The following CALN1 variants were observed in gnomAD, a reference collection of about 807,000 sequenced individuals.
The protein encoded by CALN1 is calneuron 1.
CALN1 carries 17 observed loss-of-function variants against 30.6 expected under a neutral mutation model. The observed-to-expected ratio is 0.56, with a 90% confidence interval of 0.38 to 0.83. CALN1 has a LOEUF of 0.83. Ranked by LOEUF, CALN1 falls within the 40% of genes least tolerant of loss-of-function variation. The pLI is 0.00. For synonymous variants in CALN1, 156 were observed against 131.4 expected (o/e 1.19, Z -1.28); for missense variants, 291 against 354.9 (o/e 0.82, Z 1.45).
intron 4 of CALN1, among the ~76,000 whole-genome samples, chr7:72,092,238 G>A (rs1224589474): frequency 1.3e-5 from 2 of 152,026 alleles, no homozygotes; most frequent in Admixed American, 1.3e-4. Flanking sequence ...CCAAGTGGGT[G>A]GGATTCTTAT....
At chr7:71,823,598 G>A (rs538728530) in intron 5 of CALN1, among the ~76,000 whole-genome samples, 7 of 152,156 alleles carry the variant, frequency 4.6e-5, no homozygotes, top group East Asian at 3.9e-4. Flanking sequence ...GGCGCCTGTA[G>A]TCCCACCTAC....
At chr7:72,405,596 T>C (rs1461228870) in intron 1 of CALN1, among the ~76,000 whole-genome samples, 3 of 152,090 alleles carry the variant, frequency 2.0e-5, no homozygotes, top group Non-Finnish European at 4.4e-5. Context: ...ACTCATCTAT[T>C]CACACACACT....
At chr7:72,392,924 AG>A (rs1805670393) in intron 2 of CALN1, among the ~76,000 whole-genome samples, 1 of 152,086 alleles carries the variant, frequency 6.6e-6, no homozygotes, top group Admixed American at 6.5e-5. Flanking sequence ...GTTTGATCCC[AG>A]AAGTTCAAGG....
At chr7:72,369,866 C>CTAT (rs1804116196) in intron 2 of CALN1, among the ~76,000 whole-genome samples, 1 of 152,140 alleles carries the variant, frequency 6.6e-6, no homozygotes, top group South Asian at 2.1e-4. Flanking sequence ...ATCCACTAAC[C>CTAT]TATTGATGGA....
chr7:72,015,904 T>C (rs17144232), intron 5 of CALN1, among the ~76,000 whole-genome samples: 21,715 of 152,050 alleles, frequency 0.14, 2,449 homozygotes, highest in East Asian at 0.34. Flanking sequence ...CTAGCAGGCC[T>C]TGATATAGAC....
At chr7:71,855,984 CACAT>C (rs1790924206) in intron 5 of CALN1, among the ~76,000 whole-genome samples, 1 of 151,998 alleles carries the variant, frequency 6.6e-6, no homozygotes, top group Admixed American at 6.6e-5. Flanking sequence ...TATATACACA[CACAT>C]ACATATACAT....
rs560358021 is a variant in CALN1 at position 72,374,358 on chromosome 7, G to A, written c.119+28893C>T. 1.4e-4 allele frequency among the ~76,000 whole-genome samples: 21 copies of A among 151,946 alleles called. No individual in the cohort carries two copies. In the South Asian group the frequency reaches 2.7e-3, roughly 20 times the overall value. The stretch of plus-strand genomic sequence containing the variant: ...AGCCTGGCCAACAGGGCAAAACCCC[G>A]TCTCTACTAAAAATACAAAAGTTAA... On this transcript the variant is annotated intron_variant, in intron 2 of 6. Transcript: ENST00000395275.
At chr7:72,458,241 TATATA>T in the CALN1 span, among the ~76,000 whole-genome samples, 1 of 91,732 alleles carries the variant, frequency 1.1e-5, no homozygotes, top group Non-Finnish European at 2.0e-5. Flanking sequence ...TATTCTATAT[TATATA>T]ATATATTTTA....
At chr7:72,245,509 C>A (rs566193238) in intron 3 of CALN1, among the ~76,000 whole-genome samples, 52 of 152,212 alleles carry the variant, frequency 3.4e-4, no homozygotes, top group African/African-American at 1.1e-3. Context: ...ATCCCAGCTA[C>A]TCAGGAGGCT....
At chr7:71,963,503 C>T (rs1174062716) in intron 5 of CALN1, among the ~76,000 whole-genome samples, 2 of 151,956 alleles carry the variant, frequency 1.3e-5, no homozygotes, top group Non-Finnish European at 2.9e-5. Context: ...CAGGGTTTTG[C>T]CATGTTGGCC....
At chr7:72,449,874 C>CAAAAAAA (rs71069071), upstream of CALN1, among the ~76,000 whole-genome samples, 9 of 52,370 alleles carry the variant, frequency 1.7e-4, no homozygotes, top group Admixed American at 3.7e-4. Flanking sequence ...GACTCCGTCT[C>CAAAAAAA]AAAAAAAAAA....
intron 5 of CALN1, among the ~76,000 whole-genome samples, chr7:72,017,523 G>A (rs953209057): frequency 2.6e-5 from 4 of 152,148 alleles, no homozygotes; most frequent in Admixed American, 6.5e-5. Flanking sequence ...GGATAAACAA[G>A]CTATTCTAAA....
At chr7:72,411,865 C>T (rs1341114774) in intron 1 of CALN1, among the ~76,000 whole-genome samples, 193 bp downstream of exon 1, 1 of 152,144 alleles carries the variant, frequency 6.6e-6, no homozygotes, top group Non-Finnish European at 1.5e-5. Flanking sequence ...TCCAGGATAA[C>T]CAAATAGTTG....
chr7:72,145,691 T>C (rs1786657215), intron 3 of CALN1, among the ~76,000 whole-genome samples: 1 of 152,028 alleles, frequency 6.6e-6, no homozygotes, highest in Non-Finnish European at 1.5e-5. Flanking sequence ...TAGACCAATA[T>C]CCCGGATGAA....
intron 6 of CALN1, among the ~76,000 whole-genome samples, chr7:71,809,821 CT>C (rs554350206): frequency 2.2e-4 from 32 of 148,368 alleles, no homozygotes; most frequent in African/African-American, 5.7e-4. Context: ...GACTCTGTCC[CT>C]TTTTTTTTTC....
At chr7:72,186,075 G>C (rs1203067706) in intron 3 of CALN1, among the ~76,000 whole-genome samples, 1 of 152,082 alleles carries the variant, frequency 6.6e-6, no homozygotes, top group African/African-American at 2.4e-5. Context: ...GGTAAGGGCA[G>C]AGGCATAGCC....
intron 6 of CALN1, among the ~76,000 whole-genome samples, chr7:71,808,929 T>G (rs1283553340): frequency 6.6e-6 from 1 of 152,150 alleles, no homozygotes; most frequent in Non-Finnish European, 1.5e-5. Context: ...CACCCTCGCA[T>G]GTCCTGCTGG....
At chr7:72,104,414 G>C (rs1458444269) in intron 4 of CALN1, among the ~76,000 whole-genome samples, 2 of 152,118 alleles carry the variant, frequency 1.3e-5, no homozygotes, top group Non-Finnish European at 2.9e-5. Context: ...TTTATTTTAA[G>C]TTCTGGGGTC....
At chr7:72,441,931 G>A (rs569849771) in intron 1 of CALN1, among the ~76,000 whole-genome samples, 14 of 151,822 alleles carry the variant, frequency 9.2e-5, no homozygotes, top group Non-Finnish European at 1.6e-4. Flanking sequence ...CATCTCCACC[G>A]GGAGCCTCAA....
Sources: allele counts gnomAD v4.1 joint callset (sites outside exome capture counted in the v4.1 genomes callset), GRCh38; gene constraint gnomAD v4.1.1; transcripts MANE v1.5; gene names NCBI Gene and HGNC (gene_info 2026-07-23, HGNC 2026-07-21).